The following NRG3 variants were observed in gnomAD, a reference collection of about 807,000 sequenced individuals.
NRG3 encodes the protein neuregulin 3.
A neutral mutation model predicts 66.9 loss-of-function variants in NRG3; 31 were observed. The observed-to-expected ratio is 0.46, with a 90% CI of 0.35 to 0.63. The LOEUF (loss-of-function observed/expected upper bound fraction) is 0.63, where lower values mean the gene tolerates loss of function less well. NRG3 is among the 20% of genes least tolerant of loss of function. The pLI is 0.00. For synonymous variants in NRG3, 393 were observed against 359.4 expected (o/e 1.09, Z -1.06); for missense variants, 910 against 878.9 (o/e 1.04, Z -0.45).
intron 2 of NRG3, among the ~76,000 whole-genome samples, chr10:82,734,135 G>T (rs930924911): frequency 3.3e-5 from 5 of 152,188 alleles, no homozygotes; most frequent in Non-Finnish European, 7.3e-5. Context: ...ATCTTGTATT[G>T]TCTCATCCTT....
intron 2 of NRG3, among the ~76,000 whole-genome samples, chr10:82,476,669 C>G (rs1841813481): frequency 6.6e-6 from 1 of 151,954 alleles, no homozygotes; most frequent in Non-Finnish European, 1.5e-5. Flanking sequence ...TTCATAGAGA[C>G]AAAGAGTGGA....
chr10:82,504,160 A>G (rs1219703625), intron 2 of NRG3, among the ~76,000 whole-genome samples: 1 of 152,126 alleles, frequency 6.6e-6, no homozygotes, highest in Admixed American at 6.6e-5. Context: ...TGCAGAAGGG[A>G]CGGGTTTCTA....
chr10:82,962,672 C>T (rs1262126933), intron 6 of NRG3, among the ~76,000 whole-genome samples: 1 of 152,058 alleles, frequency 6.6e-6, no homozygotes, highest in African/African-American at 2.4e-5. Flanking sequence ...AACCCCATCT[C>T]TACTGAAAAT....
At chr10:81,987,322 T>A (rs985094560) in intron 1 of NRG3, among the ~76,000 whole-genome samples, 1 of 152,194 alleles carries the variant, frequency 6.6e-6, no homozygotes. Context: ...TGACCTCAGG[T>A]GATCCGCCTG....
intron 4 of NRG3, among the ~76,000 whole-genome samples, chr10:82,915,078 G>T (rs527521843): frequency 6.6e-6 from 1 of 152,304 alleles, no homozygotes. Context: ...TGGTCCTGCA[G>T]AAGTTTTTAT....
chr10:82,779,711 T>TA (rs199695037), intron 3 of NRG3, among the ~76,000 whole-genome samples: 2,053 of 152,198 alleles, frequency 0.013, 43 homozygotes, highest in African/African-American at 0.047. Context: ...TTTCTTTAGT[T>TA]ACTGAAATTT....
chr10:82,753,260 T>A (rs967895290), intron 3 of NRG3, among the ~76,000 whole-genome samples: 4 of 152,126 alleles, frequency 2.6e-5, no homozygotes, highest in Admixed American at 6.5e-5. Flanking sequence ...CATGAAAACA[T>A]CTTTTTATAT....
chr10:82,107,910 G>A (rs2067165057), intron 1 of NRG3, among the ~76,000 whole-genome samples: 1 of 152,208 alleles, frequency 6.6e-6, no homozygotes, highest in Admixed American at 6.5e-5. Flanking sequence ...GTAAGTAAGA[G>A]AAGCTGAAAA....
At chr10:82,455,080 T>C (rs1308148005) in intron 2 of NRG3, among the ~76,000 whole-genome samples, 4 of 152,152 alleles carry the variant, frequency 2.6e-5, no homozygotes, top group Non-Finnish European at 5.9e-5. Context: ...CCAAGCACTC[T>C]TTACCTCACA....
chr10:82,428,381 G>GT (rs1325149608), intron 2 of NRG3, among the ~76,000 whole-genome samples: 1 of 147,504 alleles, frequency 6.8e-6, no homozygotes, highest in African/African-American at 2.6e-5. Context: ...TTGGTACGTT[G>GT]TTTTTTCTGT....
At chr10:82,401,138 A>C (rs2087069591) in intron 2 of NRG3, among the ~76,000 whole-genome samples, 1 of 152,132 alleles carries the variant, frequency 6.6e-6, no homozygotes, top group Admixed American at 6.6e-5. Flanking sequence ...CAAATGGATA[A>C]ATGAGGATGA....
intron 2 of NRG3, among the ~76,000 whole-genome samples, chr10:82,730,328 C>T (rs1257622202): frequency 6.6e-6 from 1 of 152,068 alleles, no homozygotes; most frequent in East Asian, 1.9e-4. Context: ...TTGTGATCCA[C>T]CCGCCTCAGC....
chr10:82,657,278 G>A (rs1292422937), intron 2 of NRG3, among the ~76,000 whole-genome samples: 1 of 151,886 alleles, frequency 6.6e-6, no homozygotes, highest in African/African-American at 2.4e-5. Flanking sequence ...TCAGGTAAGG[G>A]GTTTTGTTTT....
chr10:82,011,770 C>T (rs1473944702), intron 1 of NRG3, among the ~76,000 whole-genome samples: 1 of 152,184 alleles, frequency 6.6e-6, no homozygotes, highest in African/African-American at 2.4e-5. Context: ...TCCTTTGACT[C>T]CATGTCTCAC....
intron 4 of NRG3, among the ~76,000 whole-genome samples, chr10:82,905,381 G>A (rs1035782356): frequency 6.6e-6 from 1 of 152,060 alleles, no homozygotes; most frequent in African/African-American, 2.4e-5. Context: ...TGTGTTGACA[G>A]TGATTATTGA....
chr10:82,062,934 G>A (rs2064241503), intron 1 of NRG3, among the ~76,000 whole-genome samples: 1 of 152,112 alleles, frequency 6.6e-6, no homozygotes, highest in Non-Finnish European at 1.5e-5. Flanking sequence ...TCCCTCATTT[G>A]AGGACTAATA....
At chr10:82,350,441 G>A (rs540649565) in intron 1 of NRG3, among the ~76,000 whole-genome samples, 1 of 152,272 alleles carries the variant, frequency 6.6e-6, no homozygotes, top group Admixed American at 6.5e-5. Context: ...TATGGAGAAG[G>A]AACATGTAAG....
chr10:82,652,635 T>C (rs1221572476), intron 2 of NRG3, among the ~76,000 whole-genome samples: 2 of 152,048 alleles, frequency 1.3e-5, no homozygotes, highest in East Asian at 3.9e-4. Flanking sequence ...GGGCAGGCCA[T>C]GGGTGGTTTT....
intron 7 of NRG3, among the ~76,000 whole-genome samples, chr10:82,974,413 A>T (rs1852054018): frequency 6.6e-6 from 1 of 152,204 alleles, no homozygotes. Context: ...CTTCCCAGAA[A>T]TTGGCTGCTT....
Sources: allele counts gnomAD v4.1 joint callset (sites outside exome capture counted in the v4.1 genomes callset), GRCh38; gene constraint gnomAD v4.1.1; transcripts MANE v1.5; gene names NCBI Gene and HGNC (gene_info 2026-07-23, HGNC 2026-07-21).